The following CLOCK variants were observed in gnomAD, a reference collection of about 807,000 sequenced individuals.
The protein encoded by CLOCK is circadian locomoter output cycles protein kaput.
A neutral mutation model predicts 118.4 loss-of-function variants in CLOCK; 43 were observed. The observed-to-expected ratio is 0.36, with a 90% CI of 0.28 to 0.47. CLOCK has a LOEUF of 0.47. Among genes scored for constraint, CLOCK ranks in the 20% least tolerant of loss-of-function variants. CLOCK has a pLI of 1.00. For synonymous variants in CLOCK, 326 were observed against 339.2 expected, an observed-to-expected ratio of 0.96 and a Z score of 0.43; for missense variants, 846 against 999.9, an observed-to-expected ratio of 0.85 and a Z score of 2.08.
intron 20 of CLOCK, among the ~76,000 whole-genome samples, chr4:55,443,251 G>A (rs1053339665): frequency 6.6e-6 from 1 of 152,016 alleles, no homozygotes; most frequent in Non-Finnish European, 1.5e-5. Context: ...TGAGGTGGGC[G>A]ATCACCTGAG....
chr4:55,472,720 TCCCCTCC>T (rs1186345847), intron 7 of CLOCK, among the ~76,000 whole-genome samples: 1 of 151,558 alleles, frequency 6.6e-6, no homozygotes, highest in Non-Finnish European at 1.5e-5. Context: ...TAGAAAATGG[TCCCCTCC>T]CCCTTGTCCC....
At chr4:55,492,091 A>G (rs897176204) in intron 2 of CLOCK, among the ~76,000 whole-genome samples, 6 of 152,148 alleles carry the variant, frequency 3.9e-5, no homozygotes, top group Non-Finnish European at 8.8e-5. Flanking sequence ...ACACCATAAG[A>G]AAAAAACTAT....
In CLOCK at chr4:55,444,705, A is replaced by G; in HGVS notation, c.1620T>C (p.Asn540=). The change falls in exon 19 of 23, where the codon AAT becomes AAC. Residue 540 remains asparagine (N), a synonymous_variant. Transcript: ENST00000513440. ...TTAGTTCTTCTTGTTGCCGATGAAT[A>G]TTTGCTTCTATCATGCGTGTCCGTT... ...LEQRTRMIEA[N]IHRQQEELRK... 6.2e-7 allele frequency: 1 copy of G among 1,614,040 alleles called. No individual in the cohort carries two copies. The highest frequency in any genetic ancestry group is 1.3e-5 in the African/African-American group (1 of 75,004).
At position 55,455,998 on chromosome 4, in the gene CLOCK, G is replaced by A. The variant is rs1362924961; in HGVS notation, c.881C>T (p.Pro294Leu). ...WKFLFLDHRA[P>L]PIIGYLPFEV... ...AAATGGCAAATACCCTATTATGGGT[G>A]GTGCCCTAAATTACACAGAAAACAA... is the stretch of plus-strand genomic sequence containing the variant. Residue 294 changes from proline (P) to leucine (L), a missense_variant, in exon 13 of 23, where the codon CCA (proline) becomes CTA (leucine). Physicochemically the swap from Pro to Leu is moderately conservative, Grantham distance 98. Transcript: ENST00000513440. 5 of 1,607,768 alleles carry A rather than the reference G, an allele frequency of 3.1e-6. No individual in the cohort carries two copies. In the Middle Eastern group the frequency reaches 5.0e-4, roughly 160 times the overall value.
intron 1 of CLOCK, among the ~76,000 whole-genome samples, chr4:55,532,667 G>C (rs1448288351): frequency 6.6e-6 from 1 of 152,060 alleles, no homozygotes; most frequent in Admixed American, 6.6e-5. Flanking sequence ...AGGAATTTGA[G>C]ACCTTATCTC....
intron 11 of CLOCK, among the ~76,000 whole-genome samples, chr4:55,456,922 T>G (rs929099845): frequency 6.6e-6 from 1 of 152,166 alleles, no homozygotes; most frequent in Non-Finnish European, 1.5e-5. Context: ...TCAAGCAACC[T>G]GCCCACCACA....
At chr4:55,451,385 T>C (rs1724434542) in intron 15 of CLOCK, among the ~76,000 whole-genome samples, 1 of 152,212 alleles carries the variant, frequency 6.6e-6, no homozygotes. Context: ...CCTAACTTAC[T>C]AGCTATTACC....
Position 55,427,930 on chromosome 4 carries a change from GTCTT to G in CLOCK, c.*7481_*7484del, listed in dbSNP as rs1321362594. 6 of 152,246 alleles carry G rather than the reference GTCTT, an allele frequency of 3.9e-5. No individual in the cohort carries two copies. Among genetic ancestry groups the G allele is most frequent in the South Asian group, 2.1e-4 (1 of 4,826 alleles). The allele number at this position is 152,246 out of a possible 1,614,324, so 9.4% of individuals were successfully genotyped here. ...GATAGTGATCTTAAAATATTTAATA[GTCTT>G]TCTTTAAAATCCAAAATGTGATTCT... On this transcript the variant is annotated 3_prime_UTR_variant, in exon 23 of 23. Transcript: ENST00000513440.
intron 1 of CLOCK, chr4:55,546,561 C>T (rs1731651002): frequency 6.6e-6 from 1 of 152,152 alleles, no homozygotes; most frequent in African/African-American, 2.4e-5. Context: ...CACTACCCCG[C>T]CTGTGTCCAG....
chr4:55,453,042 T>A lies in CLOCK; in HGVS notation c.1206+12A>T, dbSNP rs759742854. 2 of 1,584,522 alleles carry A rather than the reference T, an allele frequency of 1.3e-6. No homozygotes were observed. Among genetic ancestry groups the A allele is most frequent in the African/African-American group, 1.4e-5 (1 of 73,920 alleles). ...AATTAAAAATAATTTTTTTTAATTATAAGAAACATACTTTGTCAGCAGCTG... is the reference window on the plus strand; with the variant it reads ...AATTAAAAATAATTTTTTTTAATTAAAAGAAACATACTTTGTCAGCAGCTG... On this transcript the variant is annotated intron_variant, in intron 15 of 22. Coordinates refer to ENST00000513440, the MANE Select transcript of CLOCK (RefSeq NM_004898.4).
intron 8 of CLOCK, among the ~76,000 whole-genome samples, chr4:55,464,089 A>T (rs867110146): frequency 1.3e-5 from 2 of 152,222 alleles, no homozygotes; most frequent in African/African-American, 2.4e-5. Flanking sequence ...AAGAGAGTTA[A>T]TAAGAAAAAT....
At chr4:55,482,674 C>G (rs1232967372) in intron 4 of CLOCK, 65 bp downstream of exon 4, 1 of 1,067,424 alleles carries the variant, frequency 9.4e-7, no homozygotes, top group African/African-American at 1.6e-5. Context: ...TCATATAGAC[C>G]ATTATTCTAA....
intron 1 of CLOCK, among the ~76,000 whole-genome samples, chr4:55,526,660 A>C (rs973975138): frequency 7.2e-5 from 11 of 151,992 alleles, no homozygotes; most frequent in African/African-American, 2.4e-4. Flanking sequence ...GGAAAAAAAA[A>C]GCTCTAGGCC....
rs374575243 is a variant in CLOCK, at chr4:55,445,681, TC to T, written c.1540-897del. Among the ~76,000 whole-genome samples the T allele has an allele frequency of 7.0e-4, 103 of 147,274 alleles. 1 individual carries two copies. The South Asian group carries it at 0.022, about 31-fold the overall frequency. On this transcript the variant is annotated intron_variant, in intron 18 of 22. Coordinates refer to ENST00000513440, the MANE Select transcript of CLOCK (RefSeq NM_004898.4). Reference sequence around the variant, plus strand: ...TCATGGCTCTCTACAGCCTTAACTTTCTGGGTTCAAGAGCTCCTCCCATCTC... The same window carrying T: ...TCATGGCTCTCTACAGCCTTAACTTTTGGGTTCAAGAGCTCCTCCCATCTC...
rs752609939 is a variant in CLOCK, at chr4:55,435,175, G to A, written c.*240C>T. ...TCTTTTTCCATCAAAAAATATCCAG[G>A]CACCTAAAACACTGTCAGAACTGGC... On this transcript the variant is annotated 3_prime_UTR_variant, in exon 23 of 23. Coordinates refer to ENST00000513440, the MANE Select transcript of CLOCK (RefSeq NM_004898.4). 9.5e-6 allele frequency: 5 copies of A among 528,046 alleles called. No homozygotes were observed. Among genetic ancestry groups the A allele is most frequent in the Non-Finnish European group, 1.7e-5 (5 of 291,436 alleles). The allele number at this position is 528,046 out of a possible 1,614,324, so 32.7% of individuals were successfully genotyped here.
intron 19 of CLOCK, 66 bp downstream of exon 19, chr4:55,444,567 G>T: frequency 6.3e-7 from 1 of 1,596,528 alleles, no homozygotes; most frequent in South Asian, 1.1e-5. Context: ...ATTAAGAAAA[G>T]TTAATTTTCC....
intron 12 of CLOCK, 81 bp from the exon 13 acceptor site, chr4:55,456,084 G>T: frequency 2.4e-6 from 3 of 1,227,514 alleles, no homozygotes; most frequent in Non-Finnish European, 3.5e-6. Flanking sequence ...CTTTGGGGGG[G>T]GGGCTTTATT....
chr4:55,488,975 C>T (rs1358852185), intron 3 of CLOCK, among the ~76,000 whole-genome samples: 4 of 152,286 alleles, frequency 2.6e-5, no homozygotes, highest in African/African-American at 7.2e-5. Flanking sequence ...TTACACAATC[C>T]TCCCACCTCA....
At chr4:55,528,713 G>A (rs537390020) in intron 1 of CLOCK, among the ~76,000 whole-genome samples, 2 of 152,292 alleles carry the variant, frequency 1.3e-5, no homozygotes, top group South Asian at 4.1e-4. Flanking sequence ...ATCTTTCAGA[G>A]ATTCTACGCT....
Sources: gnomAD v4.1 joint callset for allele counts (sites outside exome capture counted in the v4.1 genomes callset) on GRCh38, gnomAD v4.1.1 for gene constraint, MANE v1.5 for transcripts, NCBI Gene and HGNC (gene_info 2026-07-23, HGNC 2026-07-21) for gene names.